Variants in LATS2 observed in about 807,000 individuals in gnomAD.
LATS2 encodes the protein large tumor suppressor kinase 2.
Under a neutral mutation model 76.0 loss-of-function variants are expected in LATS2, and 24 were observed. The observed-to-expected ratio is 0.32, with a 90% CI of 0.23 to 0.44. The LOEUF (loss-of-function observed/expected upper bound fraction) is 0.44. Among genes scored for constraint, LATS2 ranks in the 20% least tolerant of loss-of-function variants. The pLI is 1.00. For synonymous variants in LATS2, 692 were observed against 635.4 expected (o/e 1.09, Z -1.34); for missense variants, 1,286 against 1,481.2 (o/e 0.87, Z 2.16).
intron 1 of LATS2, among the ~76,000 whole-genome samples, chr13:21,047,468 C>T (rs976171878): frequency 1.3e-5 from 2 of 152,224 alleles, no homozygotes; most frequent in East Asian, 1.9e-4. Flanking sequence ...CACCCCACAC[C>T]GTGCCAAAGC....
chr13:20,995,251 A>C (rs888210447), intron 2 of LATS2, among the ~76,000 whole-genome samples: 1 of 152,198 alleles, frequency 6.6e-6, no homozygotes, highest in Non-Finnish European at 1.5e-5. Context: ...TGCATGTTTG[A>C]TATTTAATGG....
intron 6 of LATS2, among the ~76,000 whole-genome samples, chr13:20,981,068 C>T (rs562522978): frequency 4.6e-5 from 7 of 152,318 alleles, no homozygotes; most frequent in African/African-American, 7.2e-5. Context: ...CAGCTGCACA[C>T]GGCACAACTC....
chr13:21,005,635 CACTA>C (rs1006752565), intron 2 of LATS2: 3 of 152,124 alleles, frequency 2.0e-5, no homozygotes, highest in African/African-American at 7.2e-5. Flanking sequence ...TTGCTGGGAA[CACTA>C]CCTTAGGAGG....
In LATS2 at chr13:20,998,705, A is replaced by C. The variant is rs145227490; in HGVS notation, c.343-7301T>G. Among the ~76,000 whole-genome samples, 1,317 of 152,210 alleles carry C rather than the reference A, an allele frequency of 8.7e-3. 17 individuals are homozygous for C. The highest frequency in any genetic ancestry group is 0.074 in the East Asian group (381 of 5,146). On this transcript the variant is annotated intron_variant, in intron 2 of 7. Coordinates refer to ENST00000382592, the MANE Select transcript of LATS2 (RefSeq NM_014572.3). The stretch of plus-strand genomic sequence containing the variant: ...TCCCCTGAGCGCGGCGCTCCCGGCG[A>C]TCTTGGGCAGGTGGGGCCCCAAGGC...
chr13:21,035,234 G>A (rs1595249005), intron 2 of LATS2, among the ~76,000 whole-genome samples: 1 of 152,160 alleles, frequency 6.6e-6, no homozygotes, highest in East Asian at 1.9e-4. Context: ...AGAGAAGCTG[G>A]GTAGTGACTA....
chr13:20,995,372 G>A lies in LATS2; in HGVS notation c.343-3968C>T, dbSNP rs377473908. On this transcript the variant is annotated intron_variant, in intron 2 of 7. Transcript: ENST00000382592. ...TCCAGTCTCTTCCAGCTTACCTCAG[G>A]CTGCTGTGTAAACATTATCCACGTC... Among the ~76,000 whole-genome samples the A allele has an allele frequency of 1.7e-4, 26 of 152,278 alleles. 1 individual carries two copies. In the East Asian group the frequency reaches 2.3e-3, roughly 14 times the overall value.
chr13:21,026,272 C>A lies in LATS2; in HGVS notation c.342+19413G>T, dbSNP rs560349442. On this transcript the variant is annotated intron_variant, in intron 2 of 7. Transcript: ENST00000382592. Reference sequence around the variant, plus strand: ...TTCTTAGTGCCCCTTTATAGTACTCCCTCCCTCCACCCCACCCTAAGTAAC... The same window carrying A: ...TTCTTAGTGCCCCTTTATAGTACTCACTCCCTCCACCCCACCCTAAGTAAC... 2.0e-5 allele frequency among the ~76,000 whole-genome samples: 3 copies of A among 152,232 alleles called. No individual in the cohort carries two copies. In the East Asian group the frequency reaches 5.8e-4, roughly 29 times the overall value.
intron 2 of LATS2, among the ~76,000 whole-genome samples, chr13:20,998,694 C>T (rs1379971171): frequency 6.6e-6 from 1 of 152,228 alleles, no homozygotes; most frequent in African/African-American, 2.4e-5. Context: ...CTGAGCGCGG[C>T]GCTCCCGGCG....
At chr13:20,997,257 T>C (rs1013217965) in intron 2 of LATS2, among the ~76,000 whole-genome samples, 3 of 152,248 alleles carry the variant, frequency 2.0e-5, no homozygotes, top group Non-Finnish European at 2.9e-5. Context: ...GTTTTGAACA[T>C]CTGTACCTTA....
chr13:21,043,248 G>A lies in LATS2; in HGVS notation c.342+2437C>T, dbSNP rs1291027242. Among the ~76,000 whole-genome samples the A allele has an allele frequency of 2.7e-5, 4 of 150,856 alleles. No homozygotes were observed. The East Asian group carries it at 7.9e-4, about 30-fold the overall frequency. ...AGCTACATGGGAAGCTGAGGCAGGAGAATCACTTGAACCCAGGAGCCCAGG... is the reference window on the plus strand; with the variant it reads ...AGCTACATGGGAAGCTGAGGCAGGAAAATCACTTGAACCCAGGAGCCCAGG... On this transcript the variant is annotated intron_variant, in intron 2 of 7. Coordinates refer to ENST00000382592, the MANE Select transcript of LATS2 (RefSeq NM_014572.3).
intron 1 of LATS2, among the ~76,000 whole-genome samples, chr13:21,050,147 G>GATAGATAGATAGATAGATAC (rs71200328): frequency 2.6e-4 from 14 of 53,852 alleles, no homozygotes; most frequent in African/African-American, 5.7e-4. Flanking sequence ...TAGATAGATA[G>GATAGATAGATAGATAGATAC]ATACATACAT....
chr13:20,987,669 G>A (rs191428361), intron 4 of LATS2, among the ~76,000 whole-genome samples: 18 of 152,318 alleles, frequency 1.2e-4, no homozygotes, highest in Non-Finnish European at 2.5e-4. Flanking sequence ...AGCTATCTCT[G>A]ATTCTTCAGA....
At chr13:20,987,823 C>G (rs1870227361) in intron 4 of LATS2, 58 bp downstream of exon 4, 2 of 1,566,604 alleles carry the variant, frequency 1.3e-6, no homozygotes, top group Non-Finnish European at 1.7e-6. Flanking sequence ...TGCGTGCTTC[C>G]TATTGCCAGT....
intron 2 of LATS2, among the ~76,000 whole-genome samples, chr13:21,016,354 G>A (rs1041168698): frequency 3.3e-5 from 5 of 151,910 alleles, no homozygotes; most frequent in African/African-American, 1.2e-4. Context: ...CGTGATCTCG[G>A]CTCACTGCAA....
At chr13:20,984,604 G>A (rs1412287189) in intron 4 of LATS2, among the ~76,000 whole-genome samples, 3 of 152,006 alleles carry the variant, frequency 2.0e-5, no homozygotes, top group Non-Finnish European at 4.4e-5. Context: ...AAAAATCTAG[G>A]AGTAAATTTA....
intron 6 of LATS2, 109 bp from the exon 7 acceptor site, chr13:20,979,906 T>A: frequency 6.1e-6 from 4 of 653,976 alleles, no homozygotes; most frequent in Non-Finnish European, 1.1e-5. Flanking sequence ...GAAAGCGCGT[T>A]GAAGCATCGC....
chr13:21,060,401 G>C (rs1036641117), intron 1 of LATS2, among the ~76,000 whole-genome samples: 1 of 152,234 alleles, frequency 6.6e-6, no homozygotes, highest in African/African-American at 2.4e-5. Flanking sequence ...CTAGGGCACG[G>C]GAATGGCGTG....
chr13:21,001,628 G>A (rs1871042921), intron 2 of LATS2, among the ~76,000 whole-genome samples: 1 of 152,288 alleles, frequency 6.6e-6, no homozygotes, highest in African/African-American at 2.4e-5. Flanking sequence ...CCCCAGCTGA[G>A]TTCCCAGTGG....
At chr13:21,048,606 CG>C (rs1311528141) in intron 1 of LATS2, among the ~76,000 whole-genome samples, 1 of 151,996 alleles carries the variant, frequency 6.6e-6, no homozygotes, top group Non-Finnish European at 1.5e-5. Context: ...TCAAGGCGGG[CG>C]GATCATCTGA....
Sources: allele counts gnomAD v4.1 joint callset (sites outside exome capture counted in the v4.1 genomes callset), GRCh38; gene constraint gnomAD v4.1.1; transcripts MANE v1.5; gene names NCBI Gene and HGNC (gene_info 2026-07-23, HGNC 2026-07-21).